OLA1: variants seen among roughly 807,000 people sequenced by gnomAD.
OLA1 encodes the protein obg-like ATPase 1.
A neutral mutation model predicts 48.4 loss-of-function variants in OLA1; 14 were observed. The observed-to-expected ratio is 0.29, with a 90% CI of 0.19 to 0.45. The LOEUF (loss-of-function observed/expected upper bound fraction) is 0.45. Among genes scored for constraint, OLA1 ranks in the 20% least tolerant of loss-of-function variants. The pLI is 1.00. For missense variants in OLA1, 325 were observed against 467.1 expected (o/e 0.70, Z 2.80); for synonymous variants, 127 against 150.4 (o/e 0.84, Z 1.14).
intron 2 of OLA1, among the ~76,000 whole-genome samples, chr2:174,238,653 A>G (rs1688920506): frequency 6.6e-6 from 1 of 152,160 alleles, no homozygotes; most frequent in South Asian, 2.1e-4. Context: ...TTTGGAAAAC[A>G]GTTTGGCAGT....
intron 9 of OLA1, among the ~76,000 whole-genome samples, chr2:174,079,634 C>T (rs945131783): frequency 6.6e-6 from 1 of 151,826 alleles, no homozygotes; most frequent in Non-Finnish European, 1.5e-5. Flanking sequence ...TATTCCCTGC[C>T]TCTAACCATC....
At chr2:174,167,875 A>G (rs1356417471) in intron 4 of OLA1, among the ~76,000 whole-genome samples, 1 of 152,182 alleles carries the variant, frequency 6.6e-6, no homozygotes, top group East Asian at 1.9e-4. Context: ...TAAAATTCCA[A>G]CCAAGGGCTT....
intron 7 of OLA1, among the ~76,000 whole-genome samples, chr2:174,082,575 C>T (rs1320282624): frequency 7.2e-5 from 11 of 152,096 alleles, no homozygotes; most frequent in African/African-American, 2.7e-4. Context: ...ACAGTGGTCA[C>T]TAGTTTTGAG....
intron 4 of OLA1, among the ~76,000 whole-genome samples, chr2:174,213,118 T>A (rs1688280953): frequency 6.6e-6 from 1 of 152,182 alleles, no homozygotes; most frequent in South Asian, 2.1e-4. Context: ...CACACATACA[T>A]GCACATGCAA....
intron 4 of OLA1, among the ~76,000 whole-genome samples, chr2:174,177,195 T>C (rs1411840137): frequency 6.6e-6 from 1 of 152,194 alleles, no homozygotes; most frequent in African/African-American, 2.4e-5. Flanking sequence ...AGTAATTCTA[T>C]GATCATCAAG....
At chr2:174,176,314 A>C (rs1687418469) in intron 4 of OLA1, among the ~76,000 whole-genome samples, 1 of 152,160 alleles carries the variant, frequency 6.6e-6, no homozygotes, top group South Asian at 2.1e-4. Flanking sequence ...CTAAGATTGA[A>C]TTTTACCTAT....
At chr2:174,229,151 G>C (rs1688675105) in intron 3 of OLA1, among the ~76,000 whole-genome samples, 157 bp downstream of exon 3, 1 of 152,182 alleles carries the variant, frequency 6.6e-6, no homozygotes, top group Admixed American at 6.5e-5. Flanking sequence ...TGAGATTACA[G>C]GTGTGAGCCA....
intron 2 of OLA1, among the ~76,000 whole-genome samples, chr2:174,246,192 C>T (rs897918858): frequency 6.6e-6 from 1 of 151,250 alleles, no homozygotes; most frequent in Non-Finnish European, 1.5e-5. Context: ...CCCAGCTACT[C>T]AGGAAGCTGA....
At chr2:174,097,834 T>G (rs892288684) in intron 7 of OLA1, among the ~76,000 whole-genome samples, 1 of 152,160 alleles carries the variant, frequency 6.6e-6, no homozygotes, top group African/African-American at 2.4e-5. Context: ...GGATCTTTCT[T>G]CCTGAAGTTG....
At chr2:174,088,207 A>G (rs1239722310) in intron 7 of OLA1, among the ~76,000 whole-genome samples, 2 of 152,164 alleles carry the variant, frequency 1.3e-5, no homozygotes, top group Admixed American at 1.3e-4. Flanking sequence ...AGCTCCCCTC[A>G]TGTTGTCCAT....
At chr2:174,081,898 T>C (rs767600497) in intron 8 of OLA1, 26 bp downstream of exon 8, 14 of 1,606,300 alleles carry the variant, frequency 8.7e-6, no homozygotes, top group South Asian at 7.7e-5. Context: ...GATAATAAAG[T>C]GTAGGGAAAA....
At position 174,123,638 on chromosome 2, in the gene OLA1, T is replaced by C; in HGVS notation, c.587A>G (p.Gln196Arg). 6.3e-7 allele frequency: 1 copy of C among 1,599,196 alleles called. No individual in the cohort carries two copies. Among genetic ancestry groups the C allele is most frequent in the Non-Finnish European group, 8.5e-7 (1 of 1,174,230 alleles). ...ATGATAGAAGCGAACAGGTTTCTTT[T>C]GATCTATAACCCAGGATTTTACTTT... ...MCKVKSWVID[Q>R]KKPVRFYHDW... Residue 196 changes from glutamine (Q) to arginine (R), a missense_variant, in exon 6 of 11, where the codon CAA becomes CGA. Gln to Arg is a conservative substitution (Grantham distance 43, BLOSUM62 1). Coordinates refer to ENST00000284719, the MANE Select transcript of OLA1 (RefSeq NM_013341.5).
At chr2:174,238,994 A>G (rs1035827435) in intron 2 of OLA1, among the ~76,000 whole-genome samples, 1 of 152,200 alleles carries the variant, frequency 6.6e-6, no homozygotes, top group East Asian at 1.9e-4. Context: ...GAATAAATTA[A>G]GAATCTATAC....
At chr2:174,164,261 C>T (rs1344993379) in intron 4 of OLA1, among the ~76,000 whole-genome samples, 2 of 119,466 alleles carry the variant, frequency 1.7e-5, no homozygotes, top group South Asian at 2.7e-4. Context: ...GACTAATACA[C>T]ACAGCATTTA....
At chr2:174,175,518 T>A (rs1319442950) in intron 4 of OLA1, among the ~76,000 whole-genome samples, 1 of 151,828 alleles carries the variant, frequency 6.6e-6, no homozygotes, top group Non-Finnish European at 1.5e-5. Context: ...AAAATAGAAA[T>A]GAAAGCCACA....
At chr2:174,097,336 G>A (rs1486725722) in intron 7 of OLA1, among the ~76,000 whole-genome samples, 19 of 152,122 alleles carry the variant, frequency 1.2e-4, no homozygotes, top group Admixed American at 1.2e-3. Context: ...TCTTGAGGAT[G>A]CAACTTTGAA....
intron 7 of OLA1, among the ~76,000 whole-genome samples, chr2:174,094,839 T>C (rs1331106805): frequency 6.6e-6 from 1 of 152,212 alleles, no homozygotes; most frequent in Admixed American, 6.5e-5. Flanking sequence ...ACCACTATTC[T>C]ATTTCTGTTT....
intron 4 of OLA1, among the ~76,000 whole-genome samples, chr2:174,165,343 A>C (rs562540135): frequency 6.6e-6 from 1 of 152,342 alleles, no homozygotes; most frequent in East Asian, 1.9e-4. Flanking sequence ...TCCAACTGAC[A>C]TAAGAGGTGA....
chr2:174,113,639 C>T (rs1320423039), intron 7 of OLA1, among the ~76,000 whole-genome samples: 2 of 152,066 alleles, frequency 1.3e-5, no homozygotes, highest in Admixed American at 1.3e-4. Flanking sequence ...AACTAAAATC[C>T]TAATTTAGTT....
Sources: allele counts gnomAD v4.1 joint callset (sites outside exome capture counted in the v4.1 genomes callset), GRCh38; gene constraint gnomAD v4.1.1; transcripts MANE v1.5; gene names NCBI Gene and HGNC (gene_info 2026-07-23, HGNC 2026-07-21).